ASPSCR1: variants seen among roughly 807,000 people sequenced by gnomAD.
The protein encoded by ASPSCR1 is tether containing UBX domain for GLUT4.
Under a neutral mutation model 68.9 loss-of-function variants are expected in ASPSCR1, and 55 were observed. That is an observed-to-expected ratio of 0.80 (90% CI 0.64 to 1.00). The LOEUF is 1.00. Ranked by LOEUF, ASPSCR1 falls within the 50% of genes least tolerant of loss-of-function variation. The pLI, the probability that ASPSCR1 is intolerant of heterozygous loss-of-function variation, is 0.00. For missense variants in ASPSCR1, 765 were observed against 762.2 expected (o/e 1.00, Z -0.04); for synonymous variants, 352 against 332.6 (o/e 1.06, Z -0.63).
rs960974454 is a variant in ASPSCR1 at position 81,999,521 on chromosome 17, G to A, written c.933+2675G>A. Reference sequence around the variant, plus strand: ...AGGTGCCTGTAATCCCAGCTACTCGGGAGACTGAGGCAGGAGAATCTCTTG... The same window carrying A: ...AGGTGCCTGTAATCCCAGCTACTCGAGAGACTGAGGCAGGAGAATCTCTTG... On this transcript the variant is annotated intron_variant, in intron 7 of 15. Coordinates refer to ENST00000306739, the MANE Select transcript of ASPSCR1 (RefSeq NM_024083.4). This position sits in a 1 kb window ranked among gnomAD's most constrained non-coding sequence, Gnocchi z 4.4. Among the ~76,000 whole-genome samples, 8 of 152,072 alleles carry A rather than the reference G, an allele frequency of 5.3e-5. No individual in the cohort carries two copies. The highest frequency in any genetic ancestry group is 1.9e-4 in the African/African-American group (8 of 41,388).
chr17:81,979,496 T>C (rs187925874), intron 2 of ASPSCR1, among the ~76,000 whole-genome samples: 16 of 152,348 alleles, frequency 1.1e-4, no homozygotes, highest in African/African-American at 3.8e-4. Context: ...TGCCTCCGAT[T>C]TCTTGTGGCC....
intron 7 of ASPSCR1, among the ~76,000 whole-genome samples, chr17:81,998,959 C>T (rs1443283244): frequency 6.6e-6 from 1 of 152,256 alleles, no homozygotes; most frequent in African/African-American, 2.4e-5. Flanking sequence ...CGCCTCCCCC[C>T]AACCGTGGGG....
rs756718621 is a variant in ASPSCR1, at chr17:82,016,514, C to T, written c.1392C>T (p.Ala464=). Residue 464 remains alanine (A), a synonymous_variant, in exon 13 of 16, where the codon GCC becomes GCT. Coordinates refer to ENST00000306739, the MANE Select transcript of ASPSCR1 (RefSeq NM_024083.4). The part of the protein sequence containing the change: ...LFPAALVHLG[A]EEPAGVYLEP... The stretch of plus-strand genomic sequence containing the variant: ...CGGCCGCTCTGGTGCACTTGGGAGC[C>T]GAGGAGCCGGCAGGTGAGTGTCAGT... The T allele has an allele frequency of 2.2e-5, 34 of 1,549,066 alleles. No homozygotes were observed. The highest frequency in any genetic ancestry group is 2.7e-5 in the Non-Finnish European group (31 of 1,147,108).
chr17:82,009,603 G>A, intron 9 of ASPSCR1, 36 bp downstream of exon 9: 1 of 1,548,974 alleles, frequency 6.5e-7, no homozygotes, highest in Non-Finnish European at 8.7e-7. Flanking sequence ...CTGAGGCACA[G>A]CTCTGAGGGG....
intron 2 of ASPSCR1, among the ~76,000 whole-genome samples, chr17:81,982,158 G>A (rs1478627121): frequency 2.0e-5 from 3 of 151,798 alleles, no homozygotes; most frequent in Non-Finnish European, 4.4e-5. Context: ...TAGTAGAGAC[G>A]GAGTTTCACC....
chr17:82,016,900 C>T (rs777141234), intron 14 of ASPSCR1, 31 bp downstream of exon 14: 24 of 1,612,080 alleles, frequency 1.5e-5, no homozygotes, highest in Non-Finnish European at 1.9e-5. Flanking sequence ...GGGCACCTCC[C>T]GTGGCGGCAC....
At chr17:81,988,194 C>T (rs2042056352) in intron 4 of ASPSCR1, among the ~76,000 whole-genome samples, 1 of 149,604 alleles carries the variant, frequency 6.7e-6, no homozygotes, top group Admixed American at 6.7e-5. Flanking sequence ...GGCGTGATGG[C>T]TCACGCCTGT....
intron 13 of ASPSCR1, 54 bp from the exon 14 acceptor site, chr17:82,016,746 A>G (rs900868316): frequency 1.3e-6 from 2 of 1,572,522 alleles, no homozygotes; most frequent in Non-Finnish European, 1.7e-6. Context: ...TGCTGGGTGG[A>G]TGGTGAGTGG....
chr17:81,985,698 A>G (rs913074843), intron 4 of ASPSCR1, 91 bp downstream of exon 4: 1 of 1,323,074 alleles, frequency 7.6e-7, no homozygotes. Flanking sequence ...TGGACACCCA[A>G]GCTCTGTGCT....
intron 12 of ASPSCR1, chr17:82,015,531 A>G (rs1261764443): frequency 1.4e-5 from 12 of 843,368 alleles, no homozygotes; most frequent in East Asian, 2.7e-5. Flanking sequence ...GGGGGCTATG[A>G]TGAGAACCAG....
chr17:81,994,985 C>T (rs774341591), intron 5 of ASPSCR1, 107 bp downstream of exon 5: 67 of 1,242,756 alleles, frequency 5.4e-5, no homozygotes, highest in Non-Finnish European at 7.0e-5. Flanking sequence ...GCGGGAGACT[C>T]GGGCTCTTGA....
intron 2 of ASPSCR1, among the ~76,000 whole-genome samples, chr17:81,981,557 T>G (rs939651090): frequency 6.6e-6 from 1 of 152,054 alleles, no homozygotes; most frequent in African/African-American, 2.4e-5. Flanking sequence ...TTTTGTATTT[T>G]TAGTAGGGAC....
intron 11 of ASPSCR1, 63 bp downstream of exon 11, chr17:82,011,668 C>T (rs1318713591): frequency 6.5e-7 from 1 of 1,549,180 alleles, no homozygotes; most frequent in African/African-American, 1.4e-5. Context: ...GCTGTGGGCA[C>T]ACCGCCCGTC....
At chr17:82,014,065 G>A (rs2043040905) in intron 12 of ASPSCR1, 1 of 152,230 alleles carries the variant, frequency 6.6e-6, no homozygotes, top group South Asian at 2.1e-4. Flanking sequence ...GTTTGTTGGA[G>A]CTCTCAGGCT....
intron 2 of ASPSCR1, among the ~76,000 whole-genome samples, chr17:81,979,816 C>A (rs1044513052): frequency 1.3e-5 from 2 of 152,154 alleles, no homozygotes; most frequent in East Asian, 3.8e-4. Context: ...CCTGGAATTA[C>A]ACGTACGCTT....
intron 8 of ASPSCR1, 97 bp from the exon 9 acceptor site, chr17:82,009,389 C>T: frequency 8.0e-6 from 11 of 1,382,348 alleles, no homozygotes; most frequent in Non-Finnish European, 1.1e-5. Flanking sequence ...GAGAGCAGCC[C>T]ACTCCCACCC....
chr17:81,982,761 TCTTC>T (rs1349956381), intron 2 of ASPSCR1: 1 of 152,034 alleles, frequency 6.6e-6, no homozygotes, highest in African/African-American at 2.4e-5. Context: ...TTTCTTTCTT[TCTTC>T]TTCTCTTTTT....
At chr17:82,001,194 G>A (rs1239890862) in intron 7 of ASPSCR1, among the ~76,000 whole-genome samples, 1 of 152,174 alleles carries the variant, frequency 6.6e-6, no homozygotes, top group Non-Finnish European at 1.5e-5. Context: ...CACTGGGCGT[G>A]GTGAATACAC....
In ASPSCR1 at chr17:82,001,276, GCTCCTGCCC is replaced by G. The variant is rs759434023; in HGVS notation, c.933+4433_933+4441del. ...CTGGGCAGTAGGTATTGGGCCAGGG[GCTCCTGCCC>G]CTGGACCCTGACGCCGGGCTAGACA... On this transcript the variant is annotated intron_variant, in intron 7 of 15. Transcript: ENST00000306739. Among the ~76,000 whole-genome samples the G allele has an allele frequency of 2.5e-4, 38 of 152,138 alleles. 1 individual carries two copies. The highest frequency in any genetic ancestry group is 9.2e-4 in the Admixed American group (14 of 15,286).
Sources: gnomAD v4.1 joint callset for allele counts (sites outside exome capture counted in the v4.1 genomes callset) on GRCh38, gnomAD v4.1.1 for gene constraint, Gnocchi (gnomAD v3.1) non-coding constraint, MANE v1.5 for transcripts, NCBI Gene and HGNC (gene_info 2026-07-23, HGNC 2026-07-21) for gene names.